Variants in DBF4B observed in about 807,000 individuals in gnomAD.
DBF4B encodes DBF4B-CDC7 kinase regulatory subunit, also known as protein DBF4 homolog B.
Under a neutral mutation model 53.4 loss-of-function variants are expected in DBF4B, and 49 were observed. The observed-to-expected ratio is 0.92, with a 90% CI of 0.73 to 1.16. The LOEUF is 1.16. Ranked by LOEUF, DBF4B falls within the 50% of genes most tolerant of loss-of-function variation. The probability of loss-of-function intolerance (pLI) is 0.00; values close to 1 mark genes in which losing one functional copy is unlikely to be tolerated. For missense variants in DBF4B, 692 were observed against 775.0 expected (o/e 0.89, Z 1.27); for synonymous variants, 257 against 288.7 (o/e 0.89, Z 1.11).
chr17:44,731,063 A>G (rs1345414272), intron 5 of DBF4B, 48 bp downstream of exon 5: 1 of 1,610,170 alleles, frequency 6.2e-7, no homozygotes, highest in South Asian at 1.1e-5. Flanking sequence ...CAGCATAGGG[A>G]GGGATTTCAC....
chr17:44,711,968 G>C (rs559496356), intron 2 of DBF4B, among the ~76,000 whole-genome samples: 33 of 151,706 alleles, frequency 2.2e-4, no homozygotes, highest in Admixed American at 2.0e-3. Context: ...GTGGTGGCAG[G>C]CTCCTATAAT....
At chr17:44,735,086 A>T (rs1308968541) in intron 7 of DBF4B, among the ~76,000 whole-genome samples, 1 of 152,008 alleles carries the variant, frequency 6.6e-6, no homozygotes, top group African/African-American at 2.4e-5. Context: ...GGCGACAGCA[A>T]AATTCTGTCT....
chr17:44,738,611 TCA>T (rs1975699446), intron 9 of DBF4B, among the ~76,000 whole-genome samples, 187 bp downstream of exon 9: 1 of 152,196 alleles, frequency 6.6e-6, no homozygotes, highest in Admixed American at 6.5e-5. Context: ...AGGAGGAGCC[TCA>T]GAGTGGCATT....
chr17:44,712,946 A>G (rs1358834564), intron 2 of DBF4B, among the ~76,000 whole-genome samples: 1 of 150,706 alleles, frequency 6.6e-6, no homozygotes, highest in Non-Finnish European at 1.5e-5. Context: ...ACTTCTCTGC[A>G]CCACACACAA....
At chr17:44,736,923 C>G in intron 8 of DBF4B, 57 bp downstream of exon 8, 1 of 1,582,702 alleles carries the variant, frequency 6.3e-7, no homozygotes, top group Non-Finnish European at 8.7e-7. Context: ...TAAACACTTC[C>G]CCACGACTCC....
In DBF4B at chr17:44,729,994, A is replaced by G; in HGVS notation, c.315A>G (p.Arg105=). 1 of 1,613,950 alleles carries G rather than the reference A, an allele frequency of 6.2e-7. No individual in the cohort carries two copies. The highest frequency in any genetic ancestry group is 8.5e-7 in the Non-Finnish European group (1 of 1,180,040). Residue 105 remains arginine, a synonymous_variant, in exon 4 of 14, where the codon AGA becomes AGG. Coordinates refer to ENST00000315005, the MANE Select transcript of DBF4B (RefSeq NM_145663.3). Reference sequence around the variant, plus strand: ...CAGAGAGCAGTGGGAAAAGCCATAGAGGCTGCCCTAGCCCTAGCCCCAGTG... The same window carrying G: ...CAGAGAGCAGTGGGAAAAGCCATAGGGGCTGCCCTAGCCCTAGCCCCAGTG... ...VKAESSGKSH[R]GCPSPSPSEV...
chr17:44,749,912 A>G lies in DBF4B; in HGVS notation c.1190-683A>G, dbSNP rs1478277725. The G allele has an allele frequency of 9.7e-7, 1 of 1,032,266 alleles. No individual in the cohort carries two copies. The highest frequency in any genetic ancestry group is 1.2e-6 in the Non-Finnish European group (1 of 857,842). 63.9% of individuals were successfully genotyped at this position (1,032,266 alleles called of 1,614,324 possible). On this transcript the variant is annotated intron_variant, in intron 13 of 13. Coordinates refer to ENST00000315005, the MANE Select transcript of DBF4B (RefSeq NM_145663.3). The surrounding 1 kb of genome is among the most constrained non-coding windows in gnomAD (Gnocchi z 4.4). ...CAGCCCCCCACGCTCCCGCACACAG[A>G]TCCTCAGGAACATATGAAGCAGAGG...
chr17:44,709,218 C>A, intron 1 of DBF4B, 86 bp from the exon 2 acceptor site: 1 of 1,550,422 alleles, frequency 6.4e-7, no homozygotes, highest in Non-Finnish European at 8.9e-7. Flanking sequence ...TTTCTGTGCG[C>A]GTTTTGGGAG....
chr17:44,739,885 C>G (rs1051314379), intron 9 of DBF4B, among the ~76,000 whole-genome samples: 38 of 152,178 alleles, frequency 2.5e-4, no homozygotes, highest in Non-Finnish European at 5.0e-4. Context: ...ATTCTTCTGC[C>G]TCCCGAGTAG....
intron 1 of DBF4B, 191 bp downstream of exon 1, chr17:44,709,030 G>T: frequency 1.2e-6 from 1 of 811,902 alleles, no homozygotes; most frequent in Non-Finnish European, 2.0e-6. Flanking sequence ...GGAACGTAGG[G>T]GACAACAGCC....
intron 2 of DBF4B, among the ~76,000 whole-genome samples, chr17:44,711,944 A>AG (rs1221125493): frequency 1.3e-5 from 2 of 151,876 alleles, no homozygotes; most frequent in East Asian, 3.9e-4. Context: ...CAAAAAAAAA[A>AG]AAAATTAGCT....
At chr17:44,713,780 T>A (rs1973105505) in intron 2 of DBF4B, among the ~76,000 whole-genome samples, 1 of 152,206 alleles carries the variant, frequency 6.6e-6, no homozygotes. Context: ...CTTCTCTCAA[T>A]ACTTTCAAGC....
intron 11 of DBF4B, 86 bp from the exon 12 acceptor site, chr17:44,747,305 C>A: frequency 1.3e-6 from 2 of 1,599,132 alleles, no homozygotes; most frequent in Non-Finnish European, 1.7e-6. Context: ...CCTCCAGGGC[C>A]AGAGCATGGG....
chr17:44,731,190 C>G, intron 5 of DBF4B, 175 bp downstream of exon 5: 1 of 692,006 alleles, frequency 1.4e-6, no homozygotes, highest in Non-Finnish European at 2.4e-6. Flanking sequence ...AGTTATTTAG[C>G]CATTCACCTA....
intron 3 of DBF4B, among the ~76,000 whole-genome samples, chr17:44,724,899 C>G (rs1974160962): frequency 2.0e-5 from 3 of 152,144 alleles, no homozygotes; most frequent in African/African-American, 2.4e-5. Flanking sequence ...GGCAGATCAC[C>G]TAAGGTCAGG....
In DBF4B at chr17:44,750,613, CG is replaced by C; in HGVS notation, c.1211del (p.Gly404AlafsTer9). ...CQASVTQGRA[A>X]GQQRWTESLD... ...CCTCCAGTGACCCAAGGCAGGGCTGCGGGCCAGCAGCGATGGACAGAATCAC... is the reference window on the plus strand; with the variant it reads ...CCTCCAGTGACCCAAGGCAGGGCTGCGGCCAGCAGCGATGGACAGAATCAC... On this transcript the variant is annotated frameshift_variant, in exon 14 of 14. Coordinates refer to ENST00000315005, the MANE Select transcript of DBF4B (RefSeq NM_145663.3). LOFTEE classifies it low-confidence loss of function (END_TRUNC). 6.2e-7 allele frequency: 1 copy of C among 1,611,150 alleles called. No homozygotes were observed. The highest frequency in any genetic ancestry group is 8.5e-7 in the Non-Finnish European group (1 of 1,178,194).
At chr17:44,710,816 C>T (rs944319720) in intron 2 of DBF4B, among the ~76,000 whole-genome samples, 13 of 152,028 alleles carry the variant, frequency 8.6e-5, no homozygotes, top group African/African-American at 3.1e-4. Context: ...CAAGCGATCA[C>T]CCTCCTCAGC....
At chr17:44,738,495 C>T in intron 9 of DBF4B, 71 bp downstream of exon 9, 3 of 1,509,240 alleles carry the variant, frequency 2.0e-6, no homozygotes, top group Non-Finnish European at 2.7e-6. Flanking sequence ...GAGGGGTGCT[C>T]AGGGGCCTCA....
chr17:44,737,243 G>A (rs904551584), intron 8 of DBF4B, among the ~76,000 whole-genome samples: 3 of 152,248 alleles, frequency 2.0e-5, no homozygotes, highest in Admixed American at 6.5e-5. Flanking sequence ...GCCAAACTCC[G>A]TGAAACTGAC....
Sources: allele counts gnomAD v4.1 joint callset (sites outside exome capture counted in the v4.1 genomes callset), GRCh38; gene constraint gnomAD v4.1.1; non-coding constraint Gnocchi (gnomAD v3.1); transcripts MANE v1.5; gene names NCBI Gene and HGNC (gene_info 2026-07-23, HGNC 2026-07-21).